DLG2: variants seen among roughly 807,000 people sequenced by gnomAD.
The protein encoded by DLG2 is disks large homolog 2.
Under a neutral mutation model 132.5 loss-of-function variants are expected in DLG2, and 45 were observed. That is an observed-to-expected ratio of 0.34 (90% CI 0.27 to 0.44). The LOEUF (loss-of-function observed/expected upper bound fraction) is 0.44. Among genes scored for constraint, DLG2 ranks in the 20% least tolerant of loss-of-function variants. The probability of loss-of-function intolerance (pLI) is 1.00; values close to 1 mark genes in which losing one functional copy is unlikely to be tolerated. For synonymous variants in DLG2, 424 were observed against 419.6 expected (o/e 1.01, Z -0.13); for missense variants, 1,045 against 1,196.9 (o/e 0.87, Z 1.87).
intron 3 of DLG2, among the ~76,000 whole-genome samples, chr11:85,297,753 A>G (rs2152784974): frequency 6.6e-6 from 1 of 152,242 alleles, no homozygotes; most frequent in East Asian, 1.9e-4. Flanking sequence ...GGTCCAGAGC[A>G]GAGTGTCAGA....
chr11:84,062,627 C>A (rs533867868), intron 10 of DLG2, among the ~76,000 whole-genome samples: 4 of 152,090 alleles, frequency 2.6e-5, no homozygotes, highest in Non-Finnish European at 5.9e-5. Flanking sequence ...ATTTTACTGA[C>A]AAGGTCAAAG....
chr11:85,550,713 T>A (rs1172278565), intron 3 of DLG2, among the ~76,000 whole-genome samples: 3 of 152,234 alleles, frequency 2.0e-5, no homozygotes, highest in Non-Finnish European at 4.4e-5. Context: ...AACTGGCTAG[T>A]TTGGGTACGG....
At chr11:84,007,528 T>C (rs1489034131) in intron 11 of DLG2, among the ~76,000 whole-genome samples, 1 of 151,782 alleles carries the variant, frequency 6.6e-6, no homozygotes, top group Non-Finnish European at 1.5e-5. Context: ...TTTAATCTTA[T>C]ACTTTTGCCC....
intron 8 of DLG2, among the ~76,000 whole-genome samples, chr11:84,218,627 C>T (rs1247580661): frequency 6.6e-6 from 1 of 152,126 alleles, no homozygotes; most frequent in East Asian, 1.9e-4. Flanking sequence ...GTTTGGCAGA[C>T]CCTTAAAATG....
chr11:85,235,644 G>A (rs932375303), intron 4 of DLG2, among the ~76,000 whole-genome samples: 3 of 151,842 alleles, frequency 2.0e-5, no homozygotes, highest in East Asian at 1.9e-4. Flanking sequence ...CTAGGAAAGA[G>A]TATGTTCAGA....
At chr11:83,657,895 A>T (rs144283509) in intron 18 of DLG2, among the ~76,000 whole-genome samples, 1 of 152,286 alleles carries the variant, frequency 6.6e-6, no homozygotes, top group Non-Finnish European at 1.5e-5. Context: ...CCAAGAGAAC[A>T]CCAATAGTTG....
chr11:83,697,028 A>AT (rs1423862863), intron 18 of DLG2, among the ~76,000 whole-genome samples: 1 of 152,190 alleles, frequency 6.6e-6, no homozygotes. Context: ...CTAAACAAAA[A>AT]TTTTTCTGTG....
intron 6 of DLG2, among the ~76,000 whole-genome samples, chr11:84,862,575 G>T (rs961300134): frequency 2.0e-5 from 3 of 152,008 alleles, no homozygotes; most frequent in Non-Finnish European, 1.5e-5. Context: ...CAACCCAAAT[G>T]ACCATCAATG....
chr11:83,973,340 G>A (rs1288971792), intron 12 of DLG2, among the ~76,000 whole-genome samples: 1 of 152,124 alleles, frequency 6.6e-6, no homozygotes, highest in Non-Finnish European at 1.5e-5. Flanking sequence ...AAAAAAGAGT[G>A]CAATAGGAGG....
chr11:83,551,167 G>C (rs2096381292), intron 19 of DLG2, among the ~76,000 whole-genome samples: 2 of 152,062 alleles, frequency 1.3e-5, no homozygotes, highest in African/African-American at 4.8e-5. Context: ...GTCCGACAGG[G>C]TCCTTATAAG....
chr11:85,317,614 T>C (rs201331659), intron 3 of DLG2, among the ~76,000 whole-genome samples: 1 of 151,884 alleles, frequency 6.6e-6, no homozygotes, highest in Middle Eastern at 3.4e-3. Context: ...AAGGAAAGAA[T>C]TGAGCATTTA....
rs1555380668 is a variant in DLG2, at chr11:83,753,795, G to GAT, written c.1825+32893_1825+32894dup. ...TATGGCATATATATGTCATATATAT[G>GAT]ATATATCATATATATCATATATATA... is the stretch of plus-strand genomic sequence containing the variant. On this transcript the variant is annotated intron_variant, in intron 18 of 27. Coordinates refer to ENST00000376104, the MANE Select transcript of DLG2 (RefSeq NM_001142699.3). Among the ~76,000 whole-genome samples the GAT allele has an allele frequency of 1.5e-4, 15 of 101,254 alleles. 1 individual carries two copies. Among genetic ancestry groups the GAT allele is most frequent in the Non-Finnish European group, 2.4e-4 (13 of 55,086 alleles). 66.4% of individuals were successfully genotyped at this position (101,254 alleles called of 152,430 possible).
intron 14 of DLG2, among the ~76,000 whole-genome samples, chr11:83,957,174 TA>T (rs2087093127): frequency 6.6e-6 from 1 of 152,246 alleles, no homozygotes; most frequent in African/African-American, 2.4e-5. Context: ...GTTTATTTTC[TA>T]AGTTAAGGGC....
At chr11:85,242,738 T>C (rs181896628) in intron 4 of DLG2, among the ~76,000 whole-genome samples, 10 of 152,058 alleles carry the variant, frequency 6.6e-5, no homozygotes, top group Admixed American at 5.9e-4. Context: ...TCTAATATCT[T>C]ACTTTATTCT....
At chr11:84,015,398 G>C (rs955986231) in intron 11 of DLG2, among the ~76,000 whole-genome samples, 2 of 152,034 alleles carry the variant, frequency 1.3e-5, no homozygotes, top group African/African-American at 4.8e-5. Context: ...TTTAAGTTCA[G>C]GGGTACATGT....
At position 83,465,468 on chromosome 11, in the gene DLG2, C is replaced by T. The variant is rs75302812; in HGVS notation, c.2729+1240G>A. Among the ~76,000 whole-genome samples the T allele has an allele frequency of 8.1e-4, 124 of 152,290 alleles. 2 individuals are homozygous for T. In the East Asian group the frequency reaches 0.02, roughly 25 times the overall value. Reference sequence around the variant, plus strand: ...TTATTTTCCAGTACTCTGTGGTTCACTCCTGAACCCTGTCAAACACTATGG... The same window carrying T: ...TTATTTTCCAGTACTCTGTGGTTCATTCCTGAACCCTGTCAAACACTATGG... On this transcript the variant is annotated intron_variant, in intron 26 of 27. Coordinates refer to ENST00000376104, the MANE Select transcript of DLG2 (RefSeq NM_001142699.3).
chr11:84,775,861 CT>C (rs1363483451), intron 6 of DLG2, among the ~76,000 whole-genome samples: 1 of 152,124 alleles, frequency 6.6e-6, no homozygotes, highest in Non-Finnish European at 1.5e-5. Context: ...ATGTAACAAG[CT>C]TGCCCATGTA....
At chr11:85,586,092 T>C (rs2078952983) in intron 3 of DLG2, among the ~76,000 whole-genome samples, 1 of 152,228 alleles carries the variant, frequency 6.6e-6, no homozygotes, top group South Asian at 2.1e-4. Flanking sequence ...TTATGGTGTA[T>C]GATCCATTTG....
chr11:84,744,766 CA>C (rs940533841), intron 6 of DLG2, among the ~76,000 whole-genome samples: 2 of 151,790 alleles, frequency 1.3e-5, no homozygotes, highest in Non-Finnish European at 2.9e-5. Context: ...AGAAGAAAGA[CA>C]AATAAATAAG....
Sources: allele counts gnomAD v4.1 joint callset (sites outside exome capture counted in the v4.1 genomes callset), GRCh38; gene constraint gnomAD v4.1.1; transcripts MANE v1.5; gene names NCBI Gene and HGNC (gene_info 2026-07-23, HGNC 2026-07-21).